Variants in MELTF observed in about 807,000 individuals in gnomAD.
The protein encoded by MELTF is antigen p97 (melanoma associated) identified by monoclonal antibodies 133.2 and 96.5.
MELTF carries 67 observed loss-of-function variants against 83.7 expected under a neutral mutation model. The ratio of observed to expected loss-of-function variants is 0.80; its 90% CI spans 0.66 to 0.98. The LOEUF (loss-of-function observed/expected upper bound fraction) is 0.98. MELTF is among the 50% of genes least tolerant of loss of function. The probability of loss-of-function intolerance (pLI) is 0.00; values close to 1 mark genes in which losing one functional copy is unlikely to be tolerated. For missense variants in MELTF, 1,002 were observed against 1,035.6 expected (o/e 0.97, Z 0.44); for synonymous variants, 462 against 447.6 (o/e 1.03, Z -0.41).
chr3:197,005,274 G>C (rs1238250721), intron 14 of MELTF, among the ~76,000 whole-genome samples: 2 of 152,192 alleles, frequency 1.3e-5, no homozygotes, highest in African/African-American at 4.8e-5. Flanking sequence ...CCGAGGAAAT[G>C]GAAAAGCTAA....
intron 3 of MELTF, among the ~76,000 whole-genome samples, chr3:197,025,220 C>G (rs189025047): frequency 6.6e-6 from 1 of 152,248 alleles, no homozygotes; most frequent in Non-Finnish European, 1.5e-5. Context: ...GGCATGCACG[C>G]GTGCACAAAC....
intron 6 of MELTF, among the ~76,000 whole-genome samples, chr3:197,020,177 A>G (rs1436870275): frequency 2.0e-5 from 3 of 152,260 alleles, no homozygotes; most frequent in Non-Finnish European, 2.9e-5. Context: ...CAAAATGCCA[A>G]TGTCATAAAA....
intron 11 of MELTF, among the ~76,000 whole-genome samples, chr3:197,009,239 A>AT (rs1719093812): frequency 6.6e-6 from 1 of 152,018 alleles, no homozygotes; most frequent in Non-Finnish European, 1.5e-5. Flanking sequence ...CTACCTCACT[A>AT]TTTTGTTCCA....
intron 7 of MELTF, among the ~76,000 whole-genome samples, chr3:197,016,760 C>A (rs181731997): frequency 6.6e-6 from 1 of 152,238 alleles, no homozygotes; most frequent in South Asian, 2.1e-4. Context: ...AAACCTTATT[C>A]GCCACATGTA....
chr3:197,010,924 G>A, intron 9 of MELTF, 130 bp from the exon 10 acceptor site: 1 of 763,836 alleles, frequency 1.3e-6, no homozygotes, highest in Middle Eastern at 3.0e-4. Context: ...CCTGGGGAAT[G>A]TGGGTGGGGA....
chr3:197,019,735 T>C, intron 6 of MELTF: 1 of 1,611,892 alleles, frequency 6.2e-7, no homozygotes. Context: ...ACGTGCTTCC[T>C]CGTGTGCAGG....
At chr3:197,028,540 ATCT>A (rs1175279210) in intron 1 of MELTF, 1 of 152,972 alleles carries the variant, frequency 6.5e-6, no homozygotes, top group Non-Finnish European at 1.5e-5. Context: ...AGCCTGCTTC[ATCT>A]TCTGAGAGAG....
chr3:197,025,408 C>G (rs968233384), intron 3 of MELTF: 1 of 152,246 alleles, frequency 6.6e-6, no homozygotes, highest in Admixed American at 6.5e-5. Context: ...GAGATGGTTG[C>G]GGGGCTCAGC....
At chr3:197,026,795 G>T in intron 2 of MELTF, 36 bp from the exon 3 acceptor site, 1 of 1,590,830 alleles carries the variant, frequency 6.3e-7, no homozygotes. Flanking sequence ...GCCTGGCCCA[G>T]CTGGCCTGCT....
chr3:197,003,578 T>C lies in MELTF; in HGVS notation c.2138-127A>G. 2 of 709,550 alleles carry C rather than the reference T, an allele frequency of 2.8e-6. No homozygotes were observed. Among genetic ancestry groups the C allele is most frequent in the Non-Finnish European group, 2.0e-6 (1 of 496,554 alleles). 44.0% of individuals were successfully genotyped at this position (709,550 alleles called of 1,614,324 possible). Reference sequence around the variant, plus strand: ...CTCGCCGCAGCCTCCCTCTTTGTGCTCCTTTCCCCTGCTGCCCTTCCAGAT... The same window carrying C: ...CTCGCCGCAGCCTCCCTCTTTGTGCCCCTTTCCCCTGCTGCCCTTCCAGAT... On this transcript the variant is annotated intron_variant, in intron 15 of 15. Coordinates refer to ENST00000296350, the MANE Select transcript of MELTF (RefSeq NM_005929.6). This position sits in a 1 kb window ranked among gnomAD's most constrained non-coding sequence, Gnocchi z 6.2.
chr3:197,014,476 C>T (rs910753640), intron 9 of MELTF, among the ~76,000 whole-genome samples: 3 of 147,936 alleles, frequency 2.0e-5, no homozygotes, highest in Non-Finnish European at 4.5e-5. Flanking sequence ...CAACCTCCAC[C>T]TCCCGGGTCC....
chr3:197,029,603 G>T lies in MELTF; in HGVS notation c.49+51C>A, dbSNP rs1714852695. The T allele has an allele frequency of 1.6e-6, 2 of 1,229,542 alleles. No homozygotes were observed. The highest frequency in any genetic ancestry group is 1.6e-5 in the African/African-American group (1 of 64,278). 76.2% of individuals were successfully genotyped at this position (1,229,542 alleles called of 1,614,324 possible). A position where few individuals can be genotyped will look rare whatever the true frequency, so the allele number is the denominator to read the frequency against. ...GCCCCGGGACCTGCTCAGCCGGGCC[G>T]CGGCGCCCCGGGACCCCCGCCCGCC... On this transcript the variant is annotated intron_variant, in intron 1 of 15. Transcript: ENST00000296350. This position sits in a 1 kb window ranked among gnomAD's most constrained non-coding sequence, Gnocchi z 6.5.
chr3:197,021,353 G>A (rs1223367798), intron 6 of MELTF, 51 bp downstream of exon 6: 14 of 1,589,866 alleles, frequency 8.8e-6, no homozygotes, highest in East Asian at 6.7e-5. Flanking sequence ...GCCCCAAGCC[G>A]GCCTGGCCTG....
intron 11 of MELTF, 38 bp downstream of exon 11, chr3:197,009,580 G>A (rs1719108024): frequency 1.9e-6 from 3 of 1,579,262 alleles, no homozygotes; most frequent in Non-Finnish European, 1.7e-6. Context: ...CCCCAGAGAA[G>A]GCTTCCCCAG....
chr3:197,003,638 C>A lies in MELTF; in HGVS notation c.2138-187G>T. 3.0e-6 allele frequency: 2 copies of A among 662,066 alleles called. No homozygotes were observed. The highest frequency in any genetic ancestry group is 5.0e-6 in the Non-Finnish European group (2 of 402,058). 41.0% of individuals were successfully genotyped at this position (662,066 alleles called of 1,614,324 possible). On this transcript the variant is annotated intron_variant, in intron 15 of 15. Transcript: ENST00000296350. This position sits in a 1 kb window ranked among gnomAD's most constrained non-coding sequence, Gnocchi z 6.2. ...CCAGAAAGGCAGCACACGCATGTCTCTGCCGTGGCCCCAGATCCTCCCCGC... is the reference window on the plus strand; with the variant it reads ...CCAGAAAGGCAGCACACGCATGTCTATGCCGTGGCCCCAGATCCTCCCCGC...
intron 3 of MELTF, 89 bp downstream of exon 3, chr3:197,026,571 G>A (rs73893756): frequency 0.05 from 58,110 of 1,168,438 alleles, 2,278 homozygotes; most frequent in African/African-American, 0.19. Flanking sequence ...CAGGGCTGAT[G>A]GCCAGCTCAG....
intron 8 of MELTF, 61 bp downstream of exon 8, chr3:197,016,109 GGCCACTTTCCCAGAGAGCC>G: frequency 7.7e-7 from 1 of 1,292,546 alleles, no homozygotes; most frequent in Non-Finnish European, 1.0e-6. Context: ...GTCTTCCCCC[GGCCACTTTCCCAGAGAGCC>G]TCGCCATGCC....
Position 197,029,520 on chromosome 3 carries a change from C to G in MELTF, c.49+134G>C. 1.5e-6 allele frequency: 1 copy of G among 652,722 alleles called. No homozygotes were observed. The highest frequency in any genetic ancestry group is 2.2e-6 in the Non-Finnish European group (1 of 459,754). The allele number at this position is 652,722 out of a possible 1,614,324, so 40.4% of individuals were successfully genotyped here. A position where few individuals can be genotyped will look rare whatever the true frequency, so the allele number is the denominator to read the frequency against. On this transcript the variant is annotated intron_variant, in intron 1 of 15. Transcript: ENST00000296350. The surrounding 1 kb of genome is among the most constrained non-coding windows in gnomAD (Gnocchi z 6.5). ...TCCCTCCGCCGTCCTCACTCGACCCCGAGCCCCTGCCTCCCCCGTCTCACT... is the reference window on the plus strand; with the variant it reads ...TCCCTCCGCCGTCCTCACTCGACCCGGAGCCCCTGCCTCCCCCGTCTCACT...
Position 197,006,881 on chromosome 3 carries a change from G to A in MELTF, c.1751-145C>T, listed in dbSNP as rs940412265. On this transcript the variant is annotated intron_variant, in intron 13 of 15. Coordinates refer to ENST00000296350, the MANE Select transcript of MELTF (RefSeq NM_005929.6). This position sits in a 1 kb window ranked among gnomAD's most constrained non-coding sequence, Gnocchi z 5.4. ...CTCCCCAACCCTCTCCATTCTCCACGTGCTCTGCTGTGTTACCGGGGTGAA... is the reference window on the plus strand; with the variant it reads ...CTCCCCAACCCTCTCCATTCTCCACATGCTCTGCTGTGTTACCGGGGTGAA... 2.2e-5 allele frequency: 15 copies of A among 687,202 alleles called. No individual in the cohort carries two copies. Among genetic ancestry groups the A allele is most frequent in the African/African-American group, 1.1e-4 (6 of 53,074 alleles). The allele number at this position is 687,202 out of a possible 1,614,324, so 42.6% of individuals were successfully genotyped here.
Sources: allele counts gnomAD v4.1 joint callset (sites outside exome capture counted in the v4.1 genomes callset), GRCh38; gene constraint gnomAD v4.1.1; non-coding constraint Gnocchi (gnomAD v3.1); transcripts MANE v1.5; gene names NCBI Gene and HGNC (gene_info 2026-07-23, HGNC 2026-07-21).